SLC16A10: variants seen among roughly 807,000 people sequenced by gnomAD.
The protein encoded by SLC16A10 is solute carrier family 16 member 10, also known as monocarboxylate transporter 10.
In SLC16A10, 27 loss-of-function variants were observed where a neutral mutation model predicts 40.0. That is an observed-to-expected ratio of 0.67 (90% CI 0.50 to 0.93). The LOEUF is 0.93. Among genes scored for constraint, SLC16A10 ranks in the 40% least tolerant of loss-of-function variants. The pLI is 0.00. For synonymous variants in SLC16A10, 213 were observed against 249.8 expected (o/e 0.85, Z 1.39); for missense variants, 529 against 658.2 (o/e 0.80, Z 2.15).
In SLC16A10 at chr6:111,159,129, G is replaced by A. The variant is rs182606553; in HGVS notation, c.344-13566G>A. On this transcript the variant is annotated intron_variant, in intron 1 of 5. Coordinates refer to ENST00000368851, the MANE Select transcript of SLC16A10 (RefSeq NM_018593.5). ...ACATTACAGGCCCAGCTGTGGTCCC[G>A]TGTACACTTCTCCATTCCTAATCCC... 5.8e-4 allele frequency among the ~76,000 whole-genome samples: 85 copies of A among 145,332 alleles called. 1 individual carries two copies. The highest frequency in any genetic ancestry group is 1.4e-3 in the Admixed American group (20 of 14,404).
In SLC16A10 at chr6:111,140,912, A is replaced by G. The variant is rs186198077; in HGVS notation, c.344-31783A>G. ...GTGATCCTCCCGCCTCAGCCTCCCA[A>G]GTGGTTGGGACTACAGACATGTGCC... On this transcript the variant is annotated intron_variant, in intron 1 of 5. Transcript: ENST00000368851. 2.2e-3 allele frequency among the ~76,000 whole-genome samples: 340 copies of G among 152,192 alleles called. 1 individual carries two copies. Among genetic ancestry groups the G allele is most frequent in the African/African-American group, 7.8e-3 (325 of 41,534 alleles).
intron 3 of SLC16A10, among the ~76,000 whole-genome samples, chr6:111,178,230 A>G (rs1042219613): frequency 2.0e-5 from 3 of 152,244 alleles, no homozygotes; most frequent in African/African-American, 7.2e-5. Flanking sequence ...TGTTGATACA[A>G]AGAAACATTA....
chr6:111,186,555 TGA>T (rs1772901240), intron 3 of SLC16A10, among the ~76,000 whole-genome samples: 5 of 152,324 alleles, frequency 3.3e-5, no homozygotes, highest in Admixed American at 3.3e-4. Flanking sequence ...TCTGATCCAT[TGA>T]GAGTACATTT....
At chr6:111,157,943 TCCTA>T (rs1772301912) in intron 1 of SLC16A10, among the ~76,000 whole-genome samples, 1 of 151,032 alleles carries the variant, frequency 6.6e-6, no homozygotes, top group South Asian at 2.1e-4. Context: ...AGAACTGTGA[TCCTA>T]GTTGCGAATG....
chr6:111,099,095 G>A (rs1293272033), intron 1 of SLC16A10, among the ~76,000 whole-genome samples: 4 of 152,290 alleles, frequency 2.6e-5, no homozygotes, highest in African/African-American at 9.6e-5. Context: ...CAAAACAAAT[G>A]TTTAATATCA....
intron 1 of SLC16A10, among the ~76,000 whole-genome samples, chr6:111,104,394 G>A (rs1771244622): frequency 6.6e-6 from 1 of 152,170 alleles, no homozygotes; most frequent in East Asian, 1.9e-4. Context: ...CAGGAATTCT[G>A]GCAAAGAATG....
At chr6:111,146,071 T>C (rs568422382) in intron 1 of SLC16A10, among the ~76,000 whole-genome samples, 1 of 152,244 alleles carries the variant, frequency 6.6e-6, no homozygotes, top group South Asian at 2.1e-4. Flanking sequence ...TTTACAAGAC[T>C]GGTGTCCAGA....
chr6:111,171,685 G>A (rs1235661472), intron 1 of SLC16A10, among the ~76,000 whole-genome samples: 2 of 151,958 alleles, frequency 1.3e-5, no homozygotes, highest in Non-Finnish European at 2.9e-5. Flanking sequence ...GCATGGTGGT[G>A]CACACCTGTG....
At chr6:111,187,243 A>T (rs1243025232) in intron 3 of SLC16A10, among the ~76,000 whole-genome samples, 2 of 152,210 alleles carry the variant, frequency 1.3e-5, no homozygotes, top group Admixed American at 6.5e-5. Flanking sequence ...TCTCAGGACC[A>T]CTGTGTGAAA....
intron 1 of SLC16A10, among the ~76,000 whole-genome samples, chr6:111,133,334 T>C (rs1010208286): frequency 6.6e-6 from 1 of 152,178 alleles, no homozygotes; most frequent in African/African-American, 2.4e-5. Flanking sequence ...CATTGGAAAA[T>C]GACTAGGGGT....
intron 1 of SLC16A10, among the ~76,000 whole-genome samples, chr6:111,095,184 A>G (rs1398505355): frequency 6.6e-6 from 1 of 152,180 alleles, no homozygotes; most frequent in Non-Finnish European, 1.5e-5. Context: ...TTTGTGTTCT[A>G]GCCAACCTGT....
chr6:111,112,040 T>A (rs1040185255), intron 1 of SLC16A10, among the ~76,000 whole-genome samples: 6 of 151,580 alleles, frequency 4.0e-5, no homozygotes, highest in Non-Finnish European at 4.4e-5. Context: ...AGATATAAAA[T>A]TTTTTTTTGA....
chr6:111,111,583 A>G (rs900540092), intron 1 of SLC16A10, among the ~76,000 whole-genome samples: 1 of 152,146 alleles, frequency 6.6e-6, no homozygotes, highest in African/African-American at 2.4e-5. Context: ...AGAATGCAAT[A>G]TTGTCTAAAT....
In SLC16A10 at chr6:111,226,186, A is replaced by C. The variant is rs2114600672; in HGVS notation, c.*3951A>C. The C allele has an allele frequency of 6.6e-6, 1 of 152,316 alleles. No individual in the cohort carries two copies. Among genetic ancestry groups the C allele is most frequent in the South Asian group, 2.1e-4 (1 of 4,826 alleles). 9.4% of individuals were successfully genotyped at this position (152,316 alleles called of 1,614,324 possible). ...AGGTAAATGCTTTGGGGAAAAAAAA[A>C]ACCATTGCCAAGTCTTTAGCATATT... On this transcript the variant is annotated 3_prime_UTR_variant, in exon 6 of 6. Coordinates refer to ENST00000368851, the MANE Select transcript of SLC16A10 (RefSeq NM_018593.5).
chr6:111,215,456 G>GA (rs1354738662), intron 4 of SLC16A10, among the ~76,000 whole-genome samples: 1 of 143,380 alleles, frequency 7.0e-6, no homozygotes, highest in Non-Finnish European at 1.5e-5. Context: ...GACCAAAATA[G>GA]AAAAAAAATA....
chr6:111,199,952 T>C (rs1315565091), intron 3 of SLC16A10, among the ~76,000 whole-genome samples: 1 of 152,226 alleles, frequency 6.6e-6, no homozygotes, highest in Non-Finnish European at 1.5e-5. Context: ...TTTCTGCCCT[T>C]TGGTAGCTAT....
At chr6:111,170,957 G>A (rs544915176) in intron 1 of SLC16A10, among the ~76,000 whole-genome samples, 38 of 152,174 alleles carry the variant, frequency 2.5e-4, no homozygotes, top group African/African-American at 9.1e-4. Context: ...GGGCAACATG[G>A]CGAAACCTTG....
intron 1 of SLC16A10, among the ~76,000 whole-genome samples, chr6:111,161,690 G>C (rs964183444): frequency 6.6e-6 from 1 of 152,064 alleles, no homozygotes; most frequent in Non-Finnish European, 1.5e-5. Flanking sequence ...CAGATTATTA[G>C]AAGGCATGTA....
At chr6:111,221,823 A>T (rs933157045) in intron 5 of SLC16A10, among the ~76,000 whole-genome samples, 180 bp from the exon 6 acceptor site, 1 of 151,712 alleles carries the variant, frequency 6.6e-6, no homozygotes, top group African/African-American at 2.4e-5. Flanking sequence ...GTACTTTATG[A>T]CAACGTTAAA....
Sources: gnomAD v4.1 joint callset for allele counts (sites outside exome capture counted in the v4.1 genomes callset) on GRCh38, gnomAD v4.1.1 for gene constraint, MANE v1.5 for transcripts, NCBI Gene and HGNC (gene_info 2026-07-23, HGNC 2026-07-21) for gene names.